IL6R: variants seen among roughly 807,000 people sequenced by gnomAD.
IL6R encodes the protein interleukin-6 receptor subunit alpha.
IL6R carries 38 observed loss-of-function variants against 48.3 expected under a neutral mutation model. The ratio of observed to expected loss-of-function variants is 0.79; its 90% CI spans 0.61 to 1.03. The LOEUF (loss-of-function observed/expected upper bound fraction) is 1.03, where lower values mean the gene tolerates loss of function less well. Ranked by LOEUF, IL6R falls within the 50% of genes least tolerant of loss-of-function variation. The pLI is 0.00. For synonymous variants in IL6R, 264 were observed against 256.2 expected (o/e 1.03, Z -0.29); for missense variants, 534 against 618.3 (o/e 0.86, Z 1.45).
intron 8 of IL6R, among the ~76,000 whole-genome samples, chr1:154,452,241 C>G (rs1205420093): frequency 3.9e-5 from 6 of 152,194 alleles, no homozygotes; most frequent in Non-Finnish European, 8.8e-5. Flanking sequence ...ACCATCTCCC[C>G]CAGAGTAAAA....
In IL6R at chr1:154,454,554, C is replaced by G; in HGVS notation, c.1133C>G (p.Thr378Arg). ...GCTGGAGGGAGCCTGGCCTTCGGAA[C>G]GCTCCTCTGCATTGCCATTGTTCTG... ...LVAGGSLAFGTLLCIAIVLRF... is the reference protein window; with the variant it reads ...LVAGGSLAFGRLLCIAIVLRF... Residue 378 changes from threonine to arginine, a missense_variant, in exon 9 of 10, where the codon ACG becomes AGG. Thr to Arg is a moderately conservative substitution (Grantham distance 71). Transcript: ENST00000368485. 2 of 1,613,464 alleles carry G rather than the reference C, an allele frequency of 1.2e-6. No homozygotes were observed. Among genetic ancestry groups the G allele is most frequent in the Non-Finnish European group, 1.7e-6 (2 of 1,179,414 alleles).
intron 9 of IL6R, among the ~76,000 whole-genome samples, chr1:154,457,912 T>C (rs1322801727): frequency 2.6e-5 from 4 of 152,142 alleles, no homozygotes; most frequent in Non-Finnish European, 5.9e-5. Flanking sequence ...GCAAGATGAC[T>C]ACTCAAATTG....
Position 154,444,396 on chromosome 1 carries a change from C to T in IL6R, c.950-3729C>T, listed in dbSNP as rs182632843. 9.4e-3 allele frequency among the ~76,000 whole-genome samples: 1,427 copies of T among 152,082 alleles called. 28 individuals carry two copies. Among genetic ancestry groups the T allele is most frequent in the African/African-American group, 0.034 (1,390 of 41,486 alleles). On this transcript the variant is annotated intron_variant, in intron 6 of 9. Transcript: ENST00000368485. ...GCTAATTTTGTATTTTTAGTAGAGA[C>T]GGGGTTTCTCCATGTTGGTCAGGCT... is the stretch of plus-strand genomic sequence containing the variant.
At chr1:154,457,461 A>C (rs1275955228) in intron 9 of IL6R, among the ~76,000 whole-genome samples, 1 of 152,116 alleles carries the variant, frequency 6.6e-6, no homozygotes. Flanking sequence ...CTTAAAGGTC[A>C]CCTTTAAATG....
At chr1:154,414,346 A>T in intron 1 of IL6R, 1 of 1,261,612 alleles carries the variant, frequency 7.9e-7, no homozygotes, top group Non-Finnish European at 1.1e-6. Flanking sequence ...GCCCTGCCCC[A>T]CCCTGTGCCT....
At chr1:154,442,111 A>C (rs1689969623) in intron 6 of IL6R, among the ~76,000 whole-genome samples, 1 of 152,058 alleles carries the variant, frequency 6.6e-6, no homozygotes, top group South Asian at 2.1e-4. Context: ...TGGAATCTGG[A>C]GGAGGAAGTA....
intron 1 of IL6R, among the ~76,000 whole-genome samples, chr1:154,419,398 G>C (rs1688524243): frequency 6.6e-6 from 1 of 152,208 alleles, no homozygotes; most frequent in African/African-American, 2.4e-5. Flanking sequence ...TTCTATACTT[G>C]TTTCCATGTG....
intron 1 of IL6R, among the ~76,000 whole-genome samples, chr1:154,418,174 A>G (rs551505085): frequency 6.6e-6 from 1 of 152,298 alleles, no homozygotes; most frequent in South Asian, 2.1e-4. Flanking sequence ...ATGGCCTTAG[A>G]TATCTTTTCC....
chr1:154,452,780 G>C (rs572377637), intron 8 of IL6R, among the ~76,000 whole-genome samples: 3 of 151,022 alleles, frequency 2.0e-5, no homozygotes, highest in Non-Finnish European at 2.9e-5. Flanking sequence ...GCAGTGAGCC[G>C]AGACAGCGCC....
At chr1:154,444,155 C>T (rs747760883) in intron 6 of IL6R, among the ~76,000 whole-genome samples, 10 of 151,960 alleles carry the variant, frequency 6.6e-5, no homozygotes, top group Non-Finnish European at 1.5e-4. Flanking sequence ...GTTGGGATTT[C>T]ACGGGTCTGT....
At chr1:154,441,887 C>T (rs1437155889) in intron 6 of IL6R, among the ~76,000 whole-genome samples, 1 of 152,190 alleles carries the variant, frequency 6.6e-6, no homozygotes, top group African/African-American at 2.4e-5. Context: ...GAGCCTCAGT[C>T]TTGTCATCGG....
intron 1 of IL6R, among the ~76,000 whole-genome samples, chr1:154,425,978 G>A (rs913204180): frequency 6.6e-6 from 1 of 151,644 alleles, no homozygotes; most frequent in African/African-American, 2.4e-5. Context: ...AGGAGGCTAA[G>A]GTGGGAGGAT....
chr1:154,418,387 A>G lies in IL6R; in HGVS notation c.86-10809A>G. 5.1e-6 allele frequency: 5 copies of G among 984,480 alleles called. No individual in the cohort carries two copies. In the South Asian group the frequency reaches 2.3e-4, roughly 46 times the overall value. 61.0% of individuals were successfully genotyped at this position (984,480 alleles called of 1,614,324 possible). A position where few individuals can be genotyped will look rare whatever the true frequency, so the allele number is the denominator to read the frequency against. The stretch of plus-strand genomic sequence containing the variant: ...AGCCTCCCTCCCAGACCCTCTCTCC[A>G]GCAGTGTACAGTCCATCGTGTGGAT... On this transcript the variant is annotated intron_variant, in intron 1 of 9. Coordinates refer to ENST00000368485, the MANE Select transcript of IL6R (RefSeq NM_000565.4).
chr1:154,449,951 G>C lies in IL6R; in HGVS notation c.1037G>C (p.Arg346Thr). ...AAAGACGATGATAATATTCTCTTCA[G>C]AGATTCTGCAAATGCGACAAGCCTC... ...TNKDDDNILF[R>T]DSANATSLPV... Residue 346 changes from arginine (R) to threonine (T), a missense_variant, in exon 8 of 10, where the codon AGA becomes ACA. Physicochemically the swap from Arg to Thr is moderately conservative, Grantham distance 71. Coordinates refer to ENST00000368485, the MANE Select transcript of IL6R (RefSeq NM_000565.4). 1 of 1,610,844 alleles carries C rather than the reference G, an allele frequency of 6.2e-7. No homozygotes were observed. Among genetic ancestry groups the C allele is most frequent in the Non-Finnish European group, 8.5e-7 (1 of 1,177,048 alleles).
At chr1:154,432,265 A>G (rs1689334470) in intron 3 of IL6R, among the ~76,000 whole-genome samples, 1 of 152,174 alleles carries the variant, frequency 6.6e-6, no homozygotes. Flanking sequence ...CTTGTACCAT[A>G]GATAGGATTA....
At chr1:154,464,353 C>T (rs892090441) in intron 9 of IL6R, among the ~76,000 whole-genome samples, 1 of 152,082 alleles carries the variant, frequency 6.6e-6, no homozygotes, top group Non-Finnish European at 1.5e-5. Flanking sequence ...CGGGGTTTCA[C>T]CACGTTGGCC....
intron 6 of IL6R, among the ~76,000 whole-genome samples, chr1:154,447,476 T>TATATATATATATAC (rs1424013885): frequency 3.9e-4 from 27 of 68,744 alleles, no homozygotes; most frequent in Admixed American, 9.0e-4. Context: ...TATATATATA[T>TATATATATATATAC]ACACACACAC....
At position 154,446,011 on chromosome 1, in the gene IL6R, A is replaced by G. The variant is rs371334481; in HGVS notation, c.950-2114A>G. The stretch of plus-strand genomic sequence containing the variant: ...AACTCCTGGCCTCATGGGATTCTCC[A>G]GCCTCAGTCTCCCAAAGTGCTGGGA... On this transcript the variant is annotated intron_variant, in intron 6 of 9. Transcript: ENST00000368485. Among the ~76,000 whole-genome samples the G allele has an allele frequency of 2.0e-4, 30 of 152,054 alleles. No individual in the cohort carries two copies. The South Asian group carries it at 6.2e-3, about 32-fold the overall frequency.
chr1:154,454,784 G>A (rs1178982098), intron 9 of IL6R, among the ~76,000 whole-genome samples: 2 of 152,212 alleles, frequency 1.3e-5, no homozygotes, highest in African/African-American at 4.8e-5. Flanking sequence ...GGGCAGGACA[G>A]ATACAGTCTC....
Sources: gnomAD v4.1 joint callset for allele counts (sites outside exome capture counted in the v4.1 genomes callset) on GRCh38, gnomAD v4.1.1 for gene constraint, MANE v1.5 for transcripts, NCBI Gene and HGNC (gene_info 2026-07-23, HGNC 2026-07-21) for gene names.